The following KPNA4 variants were observed in gnomAD, a reference collection of about 807,000 sequenced individuals.
KPNA4 encodes karyopherin subunit alpha 4.
Under a neutral mutation model 71.3 loss-of-function variants are expected in KPNA4, and 13 were observed. That is an observed-to-expected ratio of 0.18 (90% confidence interval 0.12 to 0.29). The LOEUF is 0.29. Among genes scored for constraint, KPNA4 ranks in the 10% least tolerant of loss-of-function variants. The pLI is 1.00. For synonymous variants in KPNA4, 189 were observed against 195.2 expected, an observed-to-expected ratio of 0.97 and a Z score of 0.26; for missense variants, 334 against 603.2, an observed-to-expected ratio of 0.55 and a Z score of 4.67.
In KPNA4 at chr3:160,499,007, CCAGT is replaced by C. The variant is rs1720823376; in HGVS notation, c.*3093_*3096del. 1 of 151,946 alleles carries C rather than the reference CCAGT, an allele frequency of 6.6e-6. No individual in the cohort carries two copies. The highest frequency in any genetic ancestry group is 1.5e-5 in the Non-Finnish European group (1 of 67,984). 9.4% of individuals were successfully genotyped at this position (151,946 alleles called of 1,614,324 possible). On this transcript the variant is annotated 3_prime_UTR_variant, in exon 17 of 17. Coordinates refer to ENST00000334256, the MANE Select transcript of KPNA4 (RefSeq NM_002268.5). ...CCCATAAATTACTGTTACAATAAAC[CCAGT>C]CATTTTACAATGCAGTTATACCTTT...
chr3:160,503,780 T>C (rs926764545), intron 16 of KPNA4, among the ~76,000 whole-genome samples: 1 of 152,332 alleles, frequency 6.6e-6, no homozygotes, highest in Admixed American at 6.5e-5. Flanking sequence ...CGATCAAAGT[T>C]ACTCTTAAAA....
At chr3:160,544,557 T>C (rs897420901) in intron 1 of KPNA4, among the ~76,000 whole-genome samples, 3 of 152,310 alleles carry the variant, frequency 2.0e-5, no homozygotes, top group East Asian at 3.9e-4. Context: ...GAGAGAGACT[T>C]TGTCTCAAAA....
Position 160,521,902 on chromosome 3 carries a change from T to C in KPNA4, c.780A>G (p.Val260=). ...GGTAAGAGAGGGCCCAGACTGTGTC[T>C]ACCAGTATCTAATGAATAAAATAAA... ...LIHHTDVNIL[V]DTVWALSYLT... is the part of the protein sequence containing the mutation. The change falls in exon 11 of 17, where the codon GTA becomes GTG. Residue 260 remains valine (V), a synonymous_variant. Transcript: ENST00000334256. The C allele has an allele frequency of 6.2e-7, 1 of 1,601,714 alleles. No homozygotes were observed. Among genetic ancestry groups the C allele is most frequent in the Non-Finnish European group, 8.5e-7 (1 of 1,176,086 alleles).
intron 15 of KPNA4, 48 bp downstream of exon 15, chr3:160,508,059 T>A: frequency 1.4e-6 from 2 of 1,436,632 alleles, no homozygotes; most frequent in South Asian, 2.7e-5. Flanking sequence ...TAAAGGTAGT[T>A]ACAAAGAGAA....
At chr3:160,519,725 G>A (rs1721305753) in intron 11 of KPNA4, among the ~76,000 whole-genome samples, 2 of 150,208 alleles carry the variant, frequency 1.3e-5, no homozygotes, top group African/African-American at 4.9e-5. Flanking sequence ...AACCCGGGAA[G>A]CGGAGCTTGC....
intron 1 of KPNA4, among the ~76,000 whole-genome samples, chr3:160,542,022 T>C (rs1474315424): frequency 2.0e-5 from 3 of 152,196 alleles, no homozygotes; most frequent in Non-Finnish European, 4.4e-5. Context: ...GTAAGCTTAA[T>C]TTTTAAGACT....
chr3:160,536,844 C>CA lies in KPNA4; in HGVS notation c.70-5dup. 1.9e-6 allele frequency: 3 copies of CA among 1,548,746 alleles called. No homozygotes were observed. Among genetic ancestry groups the CA allele is most frequent in the East Asian group, 2.3e-5 (1 of 43,988 alleles). The stretch of plus-strand genomic sequence containing the variant: ...CATTTCGTTGTCTTCTCATAGTCTA[C>CA]AAAAAAATTAAAGGAAAATATTTTT... On this transcript the variant is annotated splice_region_variant and splice_polypyrimidine_tract_variant and intron_variant, in intron 1 of 16. Coordinates refer to ENST00000334256, the MANE Select transcript of KPNA4 (RefSeq NM_002268.5).
chr3:160,556,672 G>A (rs1722144014), intron 1 of KPNA4, among the ~76,000 whole-genome samples: 1 of 152,088 alleles, frequency 6.6e-6, no homozygotes, highest in Admixed American at 6.5e-5. Flanking sequence ...TAAGCATCAC[G>A]TAGGTGCTTA....
Position 160,554,416 on chromosome 3 carries a change from T to G in KPNA4, c.69+10798A>C, listed in dbSNP as rs147849995. On this transcript the variant is annotated intron_variant, in intron 1 of 16. Transcript: ENST00000334256. ...GGCAACCACTAATTTATTTTCTGTC[T>G]CTATGGACTTGCCTATCCTGGACAT... 4.1e-3 allele frequency among the ~76,000 whole-genome samples: 627 copies of G among 152,310 alleles called. 5 individuals carry two copies. The highest frequency in any genetic ancestry group is 0.013 in the African/African-American group (561 of 41,570).
chr3:160,562,956 T>G (rs1226131906), intron 1 of KPNA4, among the ~76,000 whole-genome samples: 4 of 152,226 alleles, frequency 2.6e-5, no homozygotes, highest in Non-Finnish European at 5.9e-5. Flanking sequence ...TAAGGATAAC[T>G]TCAGAAAGTC....
intron 8 of KPNA4, among the ~76,000 whole-genome samples, chr3:160,526,863 A>G (rs1413668244): frequency 2.0e-5 from 3 of 152,256 alleles, no homozygotes; most frequent in African/African-American, 7.2e-5. Flanking sequence ...GAATAAAAAA[A>G]TGAAAGATCA....
At chr3:160,514,394 C>T (rs1721160254) in intron 12 of KPNA4, among the ~76,000 whole-genome samples, 1 of 152,126 alleles carries the variant, frequency 6.6e-6, no homozygotes, top group Non-Finnish European at 1.5e-5. Context: ...ATGAACTAAC[C>T]CTTCGGAAGA....
chr3:160,519,459 T>A (rs1005013175), intron 11 of KPNA4, among the ~76,000 whole-genome samples: 1 of 152,072 alleles, frequency 6.6e-6, no homozygotes, highest in Non-Finnish European at 1.5e-5. Context: ...TATTTAACAT[T>A]AAGGTTTTAA....
At chr3:160,550,861 T>C (rs1249123603) in intron 1 of KPNA4, among the ~76,000 whole-genome samples, 2 of 152,228 alleles carry the variant, frequency 1.3e-5, no homozygotes, top group African/African-American at 4.8e-5. Context: ...TAAATTCCAC[T>C]TGGTCATGGT....
At chr3:160,547,080 G>A (rs956116132) in intron 1 of KPNA4, among the ~76,000 whole-genome samples, 1 of 152,128 alleles carries the variant, frequency 6.6e-6, no homozygotes, top group African/African-American at 2.4e-5. Flanking sequence ...GGCGACATGT[G>A]CAATCCCAAA....
chr3:160,520,587 G>A (rs1175488071), intron 11 of KPNA4, among the ~76,000 whole-genome samples: 1 of 151,018 alleles, frequency 6.6e-6, no homozygotes, highest in Admixed American at 6.7e-5. Flanking sequence ...TCTGTATTTA[G>A]CTAAGTGTTC....
At chr3:160,562,375 T>C (rs1418622610) in intron 1 of KPNA4, among the ~76,000 whole-genome samples, 1 of 152,216 alleles carries the variant, frequency 6.6e-6, no homozygotes, top group Non-Finnish European at 1.5e-5. Flanking sequence ...TCCCATGAAA[T>C]AGATGTCATC....
At position 160,559,588 on chromosome 3, in the gene KPNA4, A is replaced by G. The variant is rs76264057; in HGVS notation, c.69+5626T>C. ...GTAACAGTGTAAGAAAAGTTCACTCATGTGGCTTCAGATTCTACATTGCAA... is the reference window on the plus strand; with the variant it reads ...GTAACAGTGTAAGAAAAGTTCACTCGTGTGGCTTCAGATTCTACATTGCAA... On this transcript the variant is annotated intron_variant, in intron 1 of 16. Coordinates refer to ENST00000334256, the MANE Select transcript of KPNA4 (RefSeq NM_002268.5). Among the ~76,000 whole-genome samples, 438 of 152,306 alleles carry G rather than the reference A, an allele frequency of 2.9e-3. 4 individuals carry two copies. The highest frequency in any genetic ancestry group is 9.9e-3 in the African/African-American group (413 of 41,586).
intron 1 of KPNA4, among the ~76,000 whole-genome samples, chr3:160,561,459 G>A (rs1577065549): frequency 6.6e-6 from 1 of 151,930 alleles, no homozygotes; most frequent in East Asian, 1.9e-4. Flanking sequence ...AAGCAGCCAC[G>A]CCATGGTGAA....
Sources: allele counts gnomAD v4.1 joint callset (sites outside exome capture counted in the v4.1 genomes callset), GRCh38; gene constraint gnomAD v4.1.1; transcripts MANE v1.5; gene names NCBI Gene and HGNC (gene_info 2026-07-23, HGNC 2026-07-21).